The following SUPT3H variants were observed in gnomAD, a reference collection of about 807,000 sequenced individuals.
SUPT3H encodes SPT3 homolog, SAGA and STAGA complex component.
In SUPT3H, 44 loss-of-function variants were observed where a neutral mutation model predicts 44.3. That is an observed-to-expected ratio of 0.99 (90% CI 0.78 to 1.28). The LOEUF (loss-of-function observed/expected upper bound fraction) is 1.28, where lower values mean the gene tolerates loss of function less well. Ranked by LOEUF, SUPT3H falls within the 50% of genes most tolerant of loss-of-function variation. The pLI is 0.00. For synonymous variants in SUPT3H, 124 were observed against 125.6 expected, an observed-to-expected ratio of 0.99 and a Z score of 0.09; for missense variants, 380 against 387.1, an observed-to-expected ratio of 0.98 and a Z score of 0.15.
At chr6:45,162,279 T>A (rs1242929614) in intron 2 of SUPT3H, among the ~76,000 whole-genome samples, 1 of 151,732 alleles carries the variant, frequency 6.6e-6, no homozygotes, top group Non-Finnish European at 1.5e-5. Flanking sequence ...TCCCAGTGAC[T>A]CAGTAGGACA....
At chr6:45,131,190 T>G (rs1803421201) in intron 2 of SUPT3H, among the ~76,000 whole-genome samples, 1 of 152,164 alleles carries the variant, frequency 6.6e-6, no homozygotes, top group African/African-American at 2.4e-5. Context: ...TATAGGTTGC[T>G]TTATGTTCTA....
At chr6:45,153,978 G>A (rs766706131) in intron 2 of SUPT3H, among the ~76,000 whole-genome samples, 10 of 148,078 alleles carry the variant, frequency 6.8e-5, no homozygotes, top group Non-Finnish European at 1.5e-4. Flanking sequence ...GCTGAGGCAG[G>A]AGAATCGCTT....
chr6:45,219,322 AATAGATAAACCTACAGGAAG>A (rs1394834344), intron 2 of SUPT3H, among the ~76,000 whole-genome samples: 1 of 152,098 alleles, frequency 6.6e-6, no homozygotes, highest in African/African-American at 2.4e-5. Context: ...AGATGAATAA[AATAGATAAACCTACAGGAAG>A]AATAACAAAA....
chr6:44,959,926 G>A (rs1243989680), intron 7 of SUPT3H, among the ~76,000 whole-genome samples: 1 of 152,084 alleles, frequency 6.6e-6, no homozygotes, highest in Non-Finnish European at 1.5e-5. Flanking sequence ...GCTGACCCAC[G>A]TGGATTAAAG....
chr6:45,177,067 G>A (rs565324962), intron 2 of SUPT3H, among the ~76,000 whole-genome samples: 3 of 152,348 alleles, frequency 2.0e-5, no homozygotes, highest in East Asian at 3.9e-4. Flanking sequence ...AAGCTGGACG[G>A]AGAATGACTT....
chr6:45,356,360 A>C (rs1283135878), intron 2 of SUPT3H, among the ~76,000 whole-genome samples: 4 of 152,104 alleles, frequency 2.6e-5, no homozygotes, highest in Non-Finnish European at 5.9e-5. Flanking sequence ...ATATATGTTA[A>C]CATCTTAAAA....
At chr6:44,852,591 T>G (rs1773070909) in intron 10 of SUPT3H, among the ~76,000 whole-genome samples, 1 of 152,192 alleles carries the variant, frequency 6.6e-6, no homozygotes, top group Non-Finnish European at 1.5e-5. Context: ...AGAGAAATAG[T>G]ATTCATGAAC....
At chr6:45,230,364 T>C (rs966329909) in intron 2 of SUPT3H, among the ~76,000 whole-genome samples, 1 of 152,102 alleles carries the variant, frequency 6.6e-6, no homozygotes, top group Non-Finnish European at 1.5e-5. Context: ...AGTCTGTCTC[T>C]TTCTTTAGAT....
chr6:45,058,243 C>T (rs1791443077), intron 3 of SUPT3H, among the ~76,000 whole-genome samples: 1 of 152,086 alleles, frequency 6.6e-6, no homozygotes, highest in Non-Finnish European at 1.5e-5. Flanking sequence ...CAAACCCTCA[C>T]ACCAGACTCT....
At chr6:45,272,421 A>G (rs1188870598) in intron 2 of SUPT3H, among the ~76,000 whole-genome samples, 1 of 152,134 alleles carries the variant, frequency 6.6e-6, no homozygotes, top group Non-Finnish European at 1.5e-5. Flanking sequence ...AACCCGTTTA[A>G]CTTGGCTCTC....
chr6:45,182,527 G>C (rs1322140217), intron 2 of SUPT3H, among the ~76,000 whole-genome samples: 1 of 152,200 alleles, frequency 6.6e-6, no homozygotes, highest in East Asian at 1.9e-4. Context: ...CTCCCAAAAG[G>C]CTGGGATTAC....
At chr6:45,123,398 G>A (rs1801958205) in intron 2 of SUPT3H, among the ~76,000 whole-genome samples, 1 of 148,482 alleles carries the variant, frequency 6.7e-6, no homozygotes, top group African/African-American at 2.5e-5. Flanking sequence ...TCCCCAGATA[G>A]GGTCTCGCTT....
chr6:44,918,884 T>C (rs1768210989), intron 10 of SUPT3H, among the ~76,000 whole-genome samples: 2 of 152,186 alleles, frequency 1.3e-5, no homozygotes, highest in South Asian at 4.1e-4. Flanking sequence ...GAAAGAAATG[T>C]TTTCTTTCAT....
chr6:45,285,100 A>C (rs1028857317), intron 2 of SUPT3H, among the ~76,000 whole-genome samples: 13 of 151,888 alleles, frequency 8.6e-5, no homozygotes, highest in African/African-American at 2.4e-4. Flanking sequence ...TCTCAAAATA[A>C]TAAGAGCTAT....
chr6:45,330,484 A>T (rs534331901), intron 2 of SUPT3H, among the ~76,000 whole-genome samples: 41 of 152,150 alleles, frequency 2.7e-4, no homozygotes, highest in African/African-American at 9.6e-4. Flanking sequence ...ACTCTGTTTA[A>T]CTATTTATTT....
At chr6:45,068,481 A>G (rs915381007) in intron 3 of SUPT3H, among the ~76,000 whole-genome samples, 2 of 152,002 alleles carry the variant, frequency 1.3e-5, no homozygotes, top group Non-Finnish European at 2.9e-5. Context: ...TAAAAAAAAA[A>G]GATAGGGATG....
rs1462682622 is a variant in SUPT3H at position 45,365,193 on chromosome 6, ATACT to A, written c.101+4_101+7del. The A allele has an allele frequency of 6.4e-7, 1 of 1,555,898 alleles. No individual in the cohort carries two copies. Among genetic ancestry groups the A allele is most frequent in the African/African-American group, 1.4e-5 (1 of 73,714 alleles). On this transcript the variant is annotated splice_donor_5th_base_variant and intron_variant, in intron 2 of 10. Coordinates refer to ENST00000371459, the MANE Select transcript of SUPT3H (RefSeq NM_003599.4). ...AGTAATAGCAATAGCATGCAGGGAC[ATACT>A]TACATCATACTCTGTAATTCTGTTG... is the stretch of plus-strand genomic sequence containing the variant.
intron 6 of SUPT3H, among the ~76,000 whole-genome samples, chr6:44,988,527 A>AT (rs1330506551): frequency 6.7e-6 from 1 of 149,062 alleles, no homozygotes; most frequent in African/African-American, 2.4e-5. Flanking sequence ...AATAAAAAAA[A>AT]AAAAAAAAAA....
intron 10 of SUPT3H, among the ~76,000 whole-genome samples, chr6:44,902,745 C>T (rs1188648119): frequency 2.0e-5 from 3 of 152,194 alleles, no homozygotes; most frequent in Non-Finnish European, 2.9e-5. Context: ...CAGCACCACA[C>T]TGCACTTACT....
Sources: allele counts gnomAD v4.1 joint callset (sites outside exome capture counted in the v4.1 genomes callset), GRCh38; gene constraint gnomAD v4.1.1; transcripts MANE v1.5; gene names NCBI Gene and HGNC (gene_info 2026-07-23, HGNC 2026-07-21).